Variants in FGF12 observed in about 807,000 individuals in gnomAD.
FGF12 encodes the protein fibroblast growth factor 12B.
FGF12 carries 14 observed loss-of-function variants against 23.6 expected under a neutral mutation model. The ratio of observed to expected loss-of-function variants is 0.59; its 90% CI spans 0.39 to 0.93. The LOEUF (loss-of-function observed/expected upper bound fraction) is 0.93, where lower values mean the gene tolerates loss of function less well. FGF12 is among the 40% of genes least tolerant of loss of function. FGF12 has a pLI of 0.00. For missense variants in FGF12, 175 were observed against 217.8 expected (o/e 0.80, Z 1.24); for synonymous variants, 62 against 77.3 (o/e 0.80, Z 1.04).
At chr3:192,513,504 C>T (rs1328123362) in intron 2 of FGF12, among the ~76,000 whole-genome samples, 2 of 151,972 alleles carry the variant, frequency 1.3e-5, no homozygotes, top group Admixed American at 1.3e-4. Context: ...TGAGTAACCA[C>T]AAAGTCAAAG....
chr3:192,351,179 G>A (rs1460853153), intron 3 of FGF12, among the ~76,000 whole-genome samples: 2 of 152,060 alleles, frequency 1.3e-5, no homozygotes, highest in African/African-American at 4.8e-5. Context: ...TTGTCATCTT[G>A]TAGGCTTGCA....
chr3:192,614,236 T>C (rs943642688), intron 2 of FGF12, among the ~76,000 whole-genome samples: 1 of 151,888 alleles, frequency 6.6e-6, no homozygotes, highest in Non-Finnish European at 1.5e-5. Flanking sequence ...ACATTTTCTA[T>C]AGTTAAAGCT....
chr3:192,641,306 C>T lies in FGF12; in HGVS notation c.13+85875G>A, dbSNP rs1250955236. 4.3e-5 allele frequency among the ~76,000 whole-genome samples: 4 copies of T among 92,582 alleles called. 1 individual carries two copies. The highest frequency in any genetic ancestry group is 7.1e-5 in the Non-Finnish European group (3 of 42,276). 60.7% of individuals were successfully genotyped at this position (92,582 alleles called of 152,430 possible). A position where few individuals can be genotyped will look rare whatever the true frequency, so the allele number is the denominator to read the frequency against. On this transcript the variant is annotated intron_variant, in intron 2 of 5. Transcript: ENST00000445105. ...ATTTTTAGTAGAGACGGGGTTTCACCGTTTTAGCCGGGATGGTCTCGATCT... is the reference window on the plus strand; with the variant it reads ...ATTTTTAGTAGAGACGGGGTTTCACTGTTTTAGCCGGGATGGTCTCGATCT...
At chr3:192,552,029 A>G (rs189261465) in intron 2 of FGF12, among the ~76,000 whole-genome samples, 31 of 152,238 alleles carry the variant, frequency 2.0e-4, no homozygotes, top group African/African-American at 7.2e-4. Flanking sequence ...AGAAAAATGT[A>G]GAAATAATAT....
rs1367191654 is a variant in FGF12 at position 192,408,760 on chromosome 3, G to C, written c.14-48222C>G. ...CCCCCGGTAGAAAATACTAAAAAGT[G>C]AATAAAACGTTCCTTTAGAAAACAA... On this transcript the variant is annotated intron_variant, in intron 2 of 5. Transcript: ENST00000445105. This position sits in a 1 kb window ranked among gnomAD's most constrained non-coding sequence, Gnocchi z 7.3. 1 of 986,098 alleles carries C rather than the reference G, an allele frequency of 1.0e-6. No homozygotes were observed. Among genetic ancestry groups the C allele is most frequent in the African/African-American group, 1.7e-5 (1 of 57,250 alleles). The allele number at this position is 986,098 out of a possible 1,614,324, so 61.1% of individuals were successfully genotyped here. A position where few individuals can be genotyped will look rare whatever the true frequency, so the allele number is the denominator to read the frequency against.
intron 2 of FGF12, among the ~76,000 whole-genome samples, chr3:192,670,969 ATCTGGC>A (rs1717092063): frequency 6.6e-6 from 1 of 152,184 alleles, no homozygotes; most frequent in Non-Finnish European, 1.5e-5. Flanking sequence ...AATCCATGAC[ATCTGGC>A]TCAGCTGGAT....
At chr3:192,265,679 T>C (rs577278459) in intron 4 of FGF12, among the ~76,000 whole-genome samples, 1 of 152,264 alleles carries the variant, frequency 6.6e-6, no homozygotes, top group South Asian at 2.1e-4. Context: ...ATTCATTTAC[T>C]TATGGTATAT....
In FGF12 at chr3:192,718,161, C is replaced by CTTTTTTTTTTT. The variant is rs71177369; in HGVS notation, c.13+9009_13+9019dup. On this transcript the variant is annotated intron_variant, in intron 2 of 5. Coordinates refer to ENST00000445105, the MANE Select transcript of FGF12 (RefSeq NM_004113.6). ...GTTTGTCATTATTCTGTTAGTCTTT[C>CTTTTTTTTTTT]TTTTTTTTTTTTTTTTTTTTTTTTA... Among the ~76,000 whole-genome samples, 37 of 77,970 alleles carry CTTTTTTTTTTT rather than the reference C, an allele frequency of 4.7e-4. 1 individual carries two copies. Among genetic ancestry groups the CTTTTTTTTTTT allele is most frequent in the African/African-American group, 1.7e-3 (35 of 20,492 alleles). The allele number at this position is 77,970 out of a possible 152,430, so 51.2% of individuals were successfully genotyped here.
chr3:192,252,628 C>G (rs1164160201), intron 4 of FGF12, among the ~76,000 whole-genome samples: 1 of 151,894 alleles, frequency 6.6e-6, no homozygotes, highest in Non-Finnish European at 1.5e-5. Flanking sequence ...ATGTCTCTGT[C>G]AAAGTACTTT....
Position 192,329,199 on chromosome 3 carries a change from G to A in FGF12, c.228+6162C>T, listed in dbSNP as rs569140817. ...CCCACCAGCAAAATAAAAGTCAAGT[G>A]CTCAGATATTACAGCAGAAGTAGCA... is the stretch of plus-strand genomic sequence containing the variant. On this transcript the variant is annotated intron_variant, in intron 4 of 5. Transcript: ENST00000445105. Among the ~76,000 whole-genome samples the A allele has an allele frequency of 2.6e-5, 4 of 152,268 alleles. No individual in the cohort carries two copies. The South Asian group carries it at 8.3e-4, about 32-fold the overall frequency.
At chr3:192,330,101 C>T (rs1183997574) in intron 4 of FGF12, among the ~76,000 whole-genome samples, 2 of 151,938 alleles carry the variant, frequency 1.3e-5, no homozygotes, top group Non-Finnish European at 2.9e-5. Flanking sequence ...AAAAGAAATC[C>T]CATGTTTATG....
intron 4 of FGF12, among the ~76,000 whole-genome samples, chr3:192,216,272 A>T (rs1363801347): frequency 6.6e-6 from 1 of 152,204 alleles, no homozygotes; most frequent in Non-Finnish European, 1.5e-5. Flanking sequence ...CCAGAATTTT[A>T]TGAATTGGAC....
At chr3:192,513,263 G>A (rs1188717406) in intron 2 of FGF12, among the ~76,000 whole-genome samples, 8 of 152,004 alleles carry the variant, frequency 5.3e-5, no homozygotes, top group Non-Finnish European at 1.2e-4. Flanking sequence ...TTAACATAAA[G>A]CCACTTCGTT....
chr3:192,447,689 C>G (rs1722396028), intron 2 of FGF12, among the ~76,000 whole-genome samples: 1 of 151,934 alleles, frequency 6.6e-6, no homozygotes, highest in African/African-American at 2.4e-5. Flanking sequence ...AACATTAAAT[C>G]ATTTTACCAT....
intron 2 of FGF12, among the ~76,000 whole-genome samples, chr3:192,629,742 G>A (rs1715312844): frequency 6.6e-6 from 1 of 152,206 alleles, no homozygotes; most frequent in South Asian, 2.1e-4. Context: ...ACAGAATGTT[G>A]CAGAGACTTC....
intron 5 of FGF12, among the ~76,000 whole-genome samples, chr3:192,144,709 G>T (rs932865620): frequency 2.0e-5 from 3 of 152,126 alleles, no homozygotes; most frequent in Non-Finnish European, 4.4e-5. Flanking sequence ...CATCAATAGG[G>T]AACGTGATTA....
At chr3:192,322,480 T>A (rs1249942284) in intron 4 of FGF12, among the ~76,000 whole-genome samples, 4 of 145,732 alleles carry the variant, frequency 2.7e-5, no homozygotes, top group East Asian at 4.0e-4. Flanking sequence ...CTAAAATTTA[T>A]AATTTATATT....
At chr3:192,437,834 C>T (rs1722076149) in intron 2 of FGF12, among the ~76,000 whole-genome samples, 1 of 152,170 alleles carries the variant, frequency 6.6e-6, no homozygotes. Flanking sequence ...CTTAAAGTCT[C>T]CAGCTTCCTT....
chr3:192,580,269 G>A (rs1577064268), intron 2 of FGF12, among the ~76,000 whole-genome samples: 1 of 151,976 alleles, frequency 6.6e-6, no homozygotes, highest in East Asian at 1.9e-4. Flanking sequence ...GACAGCCAAT[G>A]TGCGGTATTA....
Sources: gnomAD v4.1 joint callset for allele counts (sites outside exome capture counted in the v4.1 genomes callset) on GRCh38, gnomAD v4.1.1 for gene constraint, Gnocchi (gnomAD v3.1) non-coding constraint, MANE v1.5 for transcripts, NCBI Gene and HGNC (gene_info 2026-07-23, HGNC 2026-07-21) for gene names.